The following ANLN variants were observed in gnomAD, a reference collection of about 807,000 sequenced individuals.
ANLN encodes anillin.
Under a neutral mutation model 135.1 loss-of-function variants are expected in ANLN, and 59 were observed. The ratio of observed to expected loss-of-function variants is 0.44; its 90% CI spans 0.35 to 0.54. The LOEUF (loss-of-function observed/expected upper bound fraction) is 0.54, where lower values mean the gene tolerates loss of function less well. ANLN is among the 20% of genes least tolerant of loss of function. The pLI, the probability that ANLN is intolerant of heterozygous loss-of-function variation, is 0.00. For synonymous variants in ANLN, 406 were observed against 456.4 expected (o/e 0.89, Z 1.41); for missense variants, 1,182 against 1,340.0 (o/e 0.88, Z 1.84).
At position 36,404,347 on chromosome 7, in the gene ANLN, C is replaced by T. The variant is rs550384388; in HGVS notation, c.488-1834C>T. On this transcript the variant is annotated intron_variant, in intron 3 of 23. Transcript: ENST00000265748. ...ACTTATCCGCTGGGTATATGTTCCA[C>T]GACCACCAGTGGATGTCTGAAACCT... 7.9e-5 allele frequency among the ~76,000 whole-genome samples: 12 copies of T among 152,290 alleles called. No individual in the cohort carries two copies. The East Asian group carries it at 2.1e-3, about 27-fold the overall frequency.
Position 36,410,279 on chromosome 7 carries a change from A to T in ANLN, c.1097-235A>T, listed in dbSNP as rs189716698. Among the ~76,000 whole-genome samples the T allele has an allele frequency of 0.054, 7,933 of 145,954 alleles. 313 individuals are homozygous for T. The highest frequency in any genetic ancestry group is 0.084 in the Non-Finnish European group (5,538 of 66,126). On this transcript the variant is annotated intron_variant, in intron 5 of 23. Coordinates refer to ENST00000265748, the MANE Select transcript of ANLN (RefSeq NM_018685.5). ...CCTCTCCTCATTCTACCTTTTCAAA[A>T]TTTTTTTTTTTTTTTAAATAACTAA...
chr7:36,422,305 CT>C (rs1787910866), intron 13 of ANLN, among the ~76,000 whole-genome samples: 3 of 151,900 alleles, frequency 2.0e-5, no homozygotes, highest in Admixed American at 2.0e-4. Flanking sequence ...CTCTCTCTCT[CT>C]CCCTTCCTTC....
At chr7:36,417,320 A>G in intron 9 of ANLN, 130 bp downstream of exon 9, 3 of 590,194 alleles carry the variant, frequency 5.1e-6, no homozygotes, top group South Asian at 2.6e-5. Flanking sequence ...TGTAGCTTCT[A>G]CCAAGATGTG....
chr7:36,422,894 T>A, intron 14 of ANLN, 85 bp downstream of exon 14: 1 of 1,249,660 alleles, frequency 8.0e-7, no homozygotes, highest in Non-Finnish European at 1.1e-6. Flanking sequence ...AAGTAAATCA[T>A]GCATAACAAT....
chr7:36,437,462 C>T (rs966424126), intron 20 of ANLN, among the ~76,000 whole-genome samples: 12 of 152,172 alleles, frequency 7.9e-5, no homozygotes, highest in Non-Finnish European at 1.3e-4. Context: ...ATTTCCATCT[C>T]TTAGCTATTG....
At chr7:36,420,799 C>G in intron 12 of ANLN, 55 bp downstream of exon 12, 1 of 1,583,772 alleles carries the variant, frequency 6.3e-7, no homozygotes, top group Non-Finnish European at 8.6e-7. Context: ...AGGCTGTGAG[C>G]TCTGTGAGGA....
intron 20 of ANLN, among the ~76,000 whole-genome samples, chr7:36,428,999 G>A (rs566507169): frequency 1.3e-5 from 2 of 151,958 alleles, no homozygotes; most frequent in South Asian, 2.1e-4. Flanking sequence ...GGCTGGTCTC[G>A]TGCTCCTGAC....
intron 20 of ANLN, among the ~76,000 whole-genome samples, chr7:36,431,601 A>G (rs201309193): frequency 0.28 from 14,287 of 50,928 alleles, 1,303 homozygotes; most frequent in East Asian, 0.49. Flanking sequence ...GTGTGTGTAT[A>G]TATATATATA....
chr7:36,396,133 T>C, intron 1 of ANLN, 133 bp from the exon 2 acceptor site: 1 of 609,716 alleles, frequency 1.6e-6, no homozygotes. Context: ...CTTGACATAA[T>C]TGCTTAGGAT....
chr7:36,417,570 A>G (rs991298935), intron 9 of ANLN, among the ~76,000 whole-genome samples: 2 of 151,860 alleles, frequency 1.3e-5, no homozygotes, highest in African/African-American at 2.4e-5. Flanking sequence ...CACTAGCTAC[A>G]TGGAAGTAGT....
chr7:36,417,067 T>G lies in ANLN; in HGVS notation c.1523-13T>G. 6.7e-7 allele frequency: 1 copy of G among 1,484,106 alleles called. No individual in the cohort carries two copies. Among genetic ancestry groups the G allele is most frequent in the Non-Finnish European group, 9.3e-7 (1 of 1,079,392 alleles). The allele number at this position is 1,484,106 out of a possible 1,614,324, so 91.9% of individuals were successfully genotyped here. A position where few individuals can be genotyped will look rare whatever the true frequency, so the allele number is the denominator to read the frequency against. Reference sequence around the variant, plus strand: ...TTATATATATTAATATGGTCTTTCTTAAACATTTTTAGGTTTCACTGAATG... The same window carrying G: ...TTATATATATTAATATGGTCTTTCTGAAACATTTTTAGGTTTCACTGAATG... On this transcript the variant is annotated splice_polypyrimidine_tract_variant and intron_variant, in intron 8 of 23. Transcript: ENST00000265748.
intron 9 of ANLN, among the ~76,000 whole-genome samples, chr7:36,418,897 G>T (rs1787758084): frequency 6.6e-6 from 1 of 151,944 alleles, no homozygotes; most frequent in Non-Finnish European, 1.5e-5. Flanking sequence ...GGGATTACAG[G>T]CACCTATCAC....
chr7:36,435,388 G>A (rs150820600), intron 20 of ANLN, among the ~76,000 whole-genome samples: 6 of 151,262 alleles, frequency 4.0e-5, no homozygotes, highest in East Asian at 1.9e-4. Context: ...GAGATGGTGG[G>A]GGGGGGGTCT....
chr7:36,427,313 A>G (rs1009292939), intron 20 of ANLN, among the ~76,000 whole-genome samples: 1 of 151,986 alleles, frequency 6.6e-6, no homozygotes, highest in African/African-American at 2.4e-5. Flanking sequence ...TTAGATGTTA[A>G]GTTTATAATT....
intron 12 of ANLN, 114 bp from the exon 13 acceptor site, chr7:36,421,743 C>G: frequency 1.0e-6 from 1 of 999,230 alleles, no homozygotes; most frequent in Admixed American, 3.0e-5. Flanking sequence ...AACATTTTGA[C>G]TTTCATCTGG....
At chr7:36,418,249 C>A (rs1787727716) in intron 9 of ANLN, among the ~76,000 whole-genome samples, 1 of 152,100 alleles carries the variant, frequency 6.6e-6, no homozygotes, top group Admixed American at 6.6e-5. Context: ...AGTCAGCATT[C>A]CCTCCCCCAG....
intron 9 of ANLN, among the ~76,000 whole-genome samples, chr7:36,418,077 G>A (rs936381258): frequency 6.6e-6 from 1 of 152,106 alleles, no homozygotes; most frequent in African/African-American, 2.4e-5. Flanking sequence ...AAATACTTAC[G>A]TTTACTGCTT....
intron 1 of ANLN, among the ~76,000 whole-genome samples, chr7:36,393,708 T>C (rs1263083518): frequency 6.6e-6 from 1 of 152,218 alleles, no homozygotes. Flanking sequence ...GTTGGTGGTC[T>C]TCTTACTGAG....
chr7:36,391,521 G>C (rs764523405), intron 1 of ANLN, among the ~76,000 whole-genome samples: 1 of 152,218 alleles, frequency 6.6e-6, no homozygotes, highest in Non-Finnish European at 1.5e-5. Flanking sequence ...ATCACTTGCA[G>C]TTGGAAAAAC....
Sources: allele counts gnomAD v4.1 joint callset (sites outside exome capture counted in the v4.1 genomes callset), GRCh38; gene constraint gnomAD v4.1.1; transcripts MANE v1.5; gene names NCBI Gene and HGNC (gene_info 2026-07-23, HGNC 2026-07-21).